MAPK10: variants seen among roughly 807,000 people sequenced by gnomAD.
MAPK10 encodes the protein JNK3 alpha protein kinase.
Under a neutral mutation model 59.3 loss-of-function variants are expected in MAPK10, and 25 were observed. The observed-to-expected ratio is 0.42, with a 90% confidence interval of 0.31 to 0.59. MAPK10 has a LOEUF of 0.59. Among genes scored for constraint, MAPK10 ranks in the 20% least tolerant of loss-of-function variants. The pLI is 0.15. For missense variants in MAPK10, 351 were observed against 568.9 expected (o/e 0.62, Z 3.90); for synonymous variants, 190 against 200.5 (o/e 0.95, Z 0.44).
chr4:86,050,068 T>G (rs1283464092), intron 11 of MAPK10, among the ~76,000 whole-genome samples: 2 of 152,088 alleles, frequency 1.3e-5, no homozygotes, highest in African/African-American at 4.8e-5. Context: ...GTTCATCTTC[T>G]CTCCTGGCCA....
Position 86,590,864 on chromosome 4 carries a change from T to C in MAPK10, c.-263+3046A>G, listed in dbSNP as rs570981683. 2.6e-5 allele frequency among the ~76,000 whole-genome samples: 4 copies of C among 152,340 alleles called. 1 individual carries two copies. The highest frequency in any genetic ancestry group is 4.1e-4 in the South Asian group (2 of 4,826). On this transcript the variant is annotated intron_variant, in intron 1 of 4. Coordinates refer to the MAPK10 transcript ENST00000502302. ...TTTTAAAAGATAATTATACATTCTTTCAACCTTGGTATTTAATTTAAAAGA... is the reference window on the plus strand; with the variant it reads ...TTTTAAAAGATAATTATACATTCTTCCAACCTTGGTATTTAATTTAAAAGA...
intron 1 of MAPK10, among the ~76,000 whole-genome samples, chr4:86,547,585 G>A (rs1325377383): frequency 3.3e-5 from 5 of 152,124 alleles, no homozygotes; most frequent in Non-Finnish European, 7.4e-5. Flanking sequence ...TAAGAGCGCC[G>A]CCCCCTGCTC....
intron 4 of MAPK10, among the ~76,000 whole-genome samples, chr4:86,142,376 C>T (rs2063824213): frequency 6.6e-6 from 1 of 152,116 alleles, no homozygotes; most frequent in South Asian, 2.1e-4. Flanking sequence ...GTTTATATTT[C>T]AAAGCAGGTG....
chr4:86,392,382 C>G (rs1398591790), intron 1 of MAPK10: 1 of 149,494 alleles, frequency 6.7e-6, no homozygotes, highest in Non-Finnish European at 1.5e-5. Context: ...GAGGTTGTTG[C>G]AGTGAGCCGA....
chr4:86,101,803 T>G lies in MAPK10; in HGVS notation c.564+91A>C, dbSNP rs546541428. 153 of 1,318,416 alleles carry G rather than the reference T, an allele frequency of 1.2e-4. 2 individuals carry two copies. In the African/African-American group the frequency reaches 2.0e-3, roughly 17 times the overall value. The allele number at this position is 1,318,416 out of a possible 1,614,324, so 81.7% of individuals were successfully genotyped here. On this transcript the variant is annotated intron_variant, in intron 7 of 13. Transcript: ENST00000641462. ...AAAGAAATGAGGAAGTATATTATAT[T>G]TGACCAATGCCCCCCGTATAAAGAA... is the stretch of plus-strand genomic sequence containing the variant.
chr4:86,103,322 C>G, intron 5 of MAPK10, 78 bp from the exon 6 acceptor site: 1 of 809,598 alleles, frequency 1.2e-6, no homozygotes, highest in East Asian at 2.6e-5. Flanking sequence ...AATTGTATTT[C>G]AACTCAAAGT....
chr4:86,576,699 C>T (rs1249072949), intron 1 of MAPK10, among the ~76,000 whole-genome samples: 2 of 151,380 alleles, frequency 1.3e-5, no homozygotes, highest in African/African-American at 4.9e-5. Flanking sequence ...GGCATGAACC[C>T]GGGAGGCGGA....
intron 1 of MAPK10, among the ~76,000 whole-genome samples, chr4:86,526,311 T>C (rs1379955023): frequency 6.6e-6 from 1 of 152,212 alleles, no homozygotes; most frequent in Non-Finnish European, 1.5e-5. Flanking sequence ...GTGTTTCATT[T>C]CCAGGAGTGT....
At chr4:86,380,934 G>A (rs996558221) in intron 1 of MAPK10, among the ~76,000 whole-genome samples, 10 of 151,098 alleles carry the variant, frequency 6.6e-5, no homozygotes, top group Admixed American at 1.3e-4. Context: ...CTGAGAGACC[G>A]AAGCAGAGCT....
intron 1 of MAPK10, among the ~76,000 whole-genome samples, chr4:86,404,464 T>C (rs1744114071): frequency 1.3e-5 from 2 of 152,224 alleles, no homozygotes; most frequent in African/African-American, 2.4e-5. Context: ...TCTATGCTAA[T>C]GTACTTACCA....
intron 3 of MAPK10, among the ~76,000 whole-genome samples, chr4:86,170,239 T>C (rs1159979403): frequency 6.6e-6 from 1 of 152,042 alleles, no homozygotes; most frequent in Non-Finnish European, 1.5e-5. Flanking sequence ...ATGGACTAAA[T>C]GGTCCAATTA....
chr4:86,450,976 TC>T lies in MAPK10; in HGVS notation c.-122+2053del, dbSNP rs1750628692. Among the ~76,000 whole-genome samples the T allele has an allele frequency of 2.0e-5, 3 of 152,320 alleles. No homozygotes were observed. The South Asian group carries it at 6.2e-4, about 32-fold the overall frequency. ...CATGCCATTTGGATGTAAATCCAAA[TC>T]CTCAATTACGCAAAGAAAGGGAGCA... On this transcript the variant is annotated intron_variant, in intron 1 of 13. Coordinates refer to the MAPK10 transcript ENST00000361569.
intron 1 of MAPK10, among the ~76,000 whole-genome samples, chr4:86,559,320 T>G (rs1578115688): frequency 1.3e-5 from 2 of 152,112 alleles, no homozygotes; most frequent in South Asian, 4.2e-4. Flanking sequence ...ATTTAAAAAA[T>G]TATGTTTAAT....
chr4:86,420,532 A>G (rs1310248644), intron 1 of MAPK10, among the ~76,000 whole-genome samples: 1 of 152,182 alleles, frequency 6.6e-6, no homozygotes, highest in Non-Finnish European at 1.5e-5. Flanking sequence ...TCACACCTGT[A>G]ATCCCAGCAT....
At chr4:86,267,428 AC>A (rs2094288286) in intron 2 of MAPK10, among the ~76,000 whole-genome samples, 1 of 152,194 alleles carries the variant, frequency 6.6e-6, no homozygotes, top group Non-Finnish European at 1.5e-5. Context: ...AAGATCAGCC[AC>A]TTGGAGGTCT....
chr4:86,039,933 T>C (rs1167408298), intron 11 of MAPK10, among the ~76,000 whole-genome samples: 1 of 152,070 alleles, frequency 6.6e-6, no homozygotes, highest in African/African-American at 2.4e-5. Context: ...CCAGCCAACC[T>C]ACCTGAGGAC....
rs1177409315 is a variant in MAPK10 at position 86,159,448 on chromosome 4, T to G, written c.86A>C (p.Asp29Ala). Residue 29 changes from aspartate to alanine, a missense_variant, in exon 4 of 14, where the codon GAT becomes GCT. Physicochemically the swap from Asp to Ala is moderately radical, Grantham distance 126. This residue lies in a region of MAPK10 where 61 missense variants were observed against 58.4 expected (regional missense o/e 1.05). Coordinates refer to ENST00000641462, the MANE Select transcript of MAPK10 (RefSeq NM_138982.4). Reference sequence around the variant, plus strand: ...GTAATGTTTGGCAATATATGACACATCCACTTGTTTATCGAATCCCTGTCA... The same window carrying G: ...GTAATGTTTGGCAATATATGACACAGCCACTTGTTTATCGAATCCCTGTCA... ...AFCQGFDKQV[D>A]VSYIAKHYNM... 6.2e-7 allele frequency: 1 copy of G among 1,609,792 alleles called. No homozygotes were observed. The highest frequency in any genetic ancestry group is 8.5e-7 in the Non-Finnish European group (1 of 1,177,844).
chr4:86,572,561 A>G (rs1276098119), intron 1 of MAPK10, among the ~76,000 whole-genome samples: 2 of 152,208 alleles, frequency 1.3e-5, no homozygotes, highest in East Asian at 3.8e-4. Flanking sequence ...TTCATAGTCC[A>G]GTGTTCCAAC....
At chr4:86,225,513 T>A (rs987066273) in intron 2 of MAPK10, among the ~76,000 whole-genome samples, 1 of 152,166 alleles carries the variant, frequency 6.6e-6, no homozygotes, top group Non-Finnish European at 1.5e-5. Flanking sequence ...CATTTTCTTT[T>A]GCTAATTCAC....
Sources: gnomAD v4.1 joint callset for allele counts (sites outside exome capture counted in the v4.1 genomes callset) on GRCh38, gnomAD v4.1.1 for gene constraint, gnomAD v4.1.1 regional missense constraint, MANE v1.5 for transcripts, NCBI Gene and HGNC (gene_info 2026-07-23, HGNC 2026-07-21) for gene names.